PCM1: variants seen among roughly 807,000 people sequenced by gnomAD.
PCM1 encodes pericentriolar material 1, also known as pericentriolar material 1 protein.
A neutral mutation model predicts 241.9 loss-of-function variants in PCM1; 157 were observed. That is an observed-to-expected ratio of 0.65 (90% CI 0.57 to 0.74). The LOEUF (loss-of-function observed/expected upper bound fraction) is 0.74. PCM1 is among the 30% of genes least tolerant of loss of function. The pLI is 0.00. For synonymous variants in PCM1, 1,085 were observed against 784.9 expected (o/e 1.38, Z -6.39); for missense variants, 3,478 against 2,360.1 (o/e 1.47, Z -9.81).
chr8:17,999,337 T>G (rs1159813929), intron 29 of PCM1, among the ~76,000 whole-genome samples: 1 of 152,042 alleles, frequency 6.6e-6, no homozygotes, highest in Admixed American at 6.5e-5. Flanking sequence ...TTATTCAAGG[T>G]TCAAGGGCTC....
chr8:17,970,021 G>C (rs572549509), intron 22 of PCM1, among the ~76,000 whole-genome samples: 1 of 152,218 alleles, frequency 6.6e-6, no homozygotes, highest in African/African-American at 2.4e-5. Flanking sequence ...AAAGCAGTTT[G>C]CTGTTCAATG....
intron 33 of PCM1, 98 bp downstream of exon 33, chr8:18,011,464 T>A: frequency 8.4e-7 from 1 of 1,188,656 alleles, no homozygotes; most frequent in Non-Finnish European, 1.1e-6. Flanking sequence ...AAATTAAGTG[T>A]CAAAGAACTC....
rs1283125614 is a variant in PCM1, at chr8:17,985,632, T to A, written c.4281+13T>A. The A allele has an allele frequency of 7.6e-6, 12 of 1,588,174 alleles. No homozygotes were observed. In the East Asian group the frequency reaches 2.5e-4, roughly 33 times the overall value. ...ATATGCATTGCAGGTATCTGGTACC[T>A]AACATAATTTTTCCTACCCTATTAT... is the stretch of plus-strand genomic sequence containing the variant. On this transcript the variant is annotated intron_variant, in intron 25 of 38. Coordinates refer to ENST00000325083, the MANE Select transcript of PCM1 (RefSeq NM_006197.4).
intron 34 of PCM1, among the ~76,000 whole-genome samples, chr8:18,012,068 G>T (rs1426648821): frequency 1.3e-5 from 2 of 152,080 alleles, no homozygotes; most frequent in Non-Finnish European, 2.9e-5. Context: ...GTAGCTCATT[G>T]CTCATAGCCT....
At position 17,980,630 on chromosome 8, in the gene PCM1, G is replaced by T. The variant is rs2080390725; in HGVS notation, c.3983G>T (p.Cys1328Phe). The T allele has an allele frequency of 1.9e-6, 3 of 1,612,632 alleles. No individual in the cohort carries two copies. The highest frequency in any genetic ancestry group is 2.5e-6 in the Non-Finnish European group (3 of 1,179,382). Reference protein sequence around the residue: ...SASMSSTCEPCKSRNRHSAQT... With the variant: ...SASMSSTCEPFKSRNRHSAQT... Reference sequence around the variant, plus strand: ...AGTATGTCTAGCACATGTGAACCTTGCAAAAGTAGGAACAGACATTCAGCC... The same window carrying T: ...AGTATGTCTAGCACATGTGAACCTTTCAAAAGTAGGAACAGACATTCAGCC... Residue 1328 changes from cysteine to phenylalanine, a missense_variant, in exon 24 of 39, where the codon TGC (cysteine) becomes TTC (phenylalanine). Physicochemically the swap from Cys to Phe is radical, Grantham distance 205. Coordinates refer to ENST00000325083, the MANE Select transcript of PCM1 (RefSeq NM_006197.4).
chr8:18,013,896 T>A, intron 34 of PCM1, 68 bp from the exon 35 acceptor site: 1 of 884,720 alleles, frequency 1.1e-6, no homozygotes, highest in Non-Finnish European at 1.8e-6. Flanking sequence ...AACTACACAC[T>A]AGTAATCATC....
chr8:17,973,389 G>T lies in PCM1; in HGVS notation c.3943+702G>T, dbSNP rs138960824. Among the ~76,000 whole-genome samples, 596 of 152,212 alleles carry T rather than the reference G, an allele frequency of 3.9e-3. 5 individuals carry two copies. Among genetic ancestry groups the T allele is most frequent in the African/African-American group, 0.014 (579 of 41,530 alleles). On this transcript the variant is annotated intron_variant, in intron 23 of 38. Coordinates refer to ENST00000325083, the MANE Select transcript of PCM1 (RefSeq NM_006197.4). The stretch of plus-strand genomic sequence containing the variant: ...TTATGTTTGCAAAGGATGGGCTATG[G>T]CCTTGAAAGGTTGTTCTGAGTTTAA...
intron 6 of PCM1, among the ~76,000 whole-genome samples, chr8:17,945,223 G>C (rs2063376648): frequency 6.6e-6 from 1 of 151,988 alleles, no homozygotes; most frequent in Non-Finnish European, 1.5e-5. Flanking sequence ...AAACTGTCTG[G>C]AAATAAGCCA....
chr8:18,025,896 G>A (rs1034532530), intron 38 of PCM1, among the ~76,000 whole-genome samples: 79 of 151,966 alleles, frequency 5.2e-4, no homozygotes, highest in African/African-American at 1.8e-3. Context: ...TGGGCGCGGT[G>A]GCTCACGCCT....
At position 17,984,225 on chromosome 8, in the gene PCM1, G is replaced by C. The variant is rs1436336530; in HGVS notation, c.4109-1222G>C. Among the ~76,000 whole-genome samples the C allele has an allele frequency of 2.6e-5, 4 of 151,972 alleles. No individual in the cohort carries two copies. In the East Asian group the frequency reaches 7.7e-4, roughly 29 times the overall value. Reference sequence around the variant, plus strand: ...TTAAATATGTCATTAAACAGTTATAGCTTTGAAATGAATTTTTTAAATTAA... The same window carrying C: ...TTAAATATGTCATTAAACAGTTATACCTTTGAAATGAATTTTTTAAATTAA... On this transcript the variant is annotated intron_variant, in intron 24 of 38. Transcript: ENST00000325083.
chr8:17,968,728 A>ATG (rs1298559791), intron 21 of PCM1, among the ~76,000 whole-genome samples: 172 of 97,110 alleles, frequency 1.8e-3, no homozygotes, highest in South Asian at 7.6e-3. Context: ...ATGGATGTAT[A>ATG]TATGTGTGTG....
In PCM1 at chr8:17,939,718, G is replaced by T. The variant is rs979634550; in HGVS notation, c.640G>T (p.Asp214Tyr). ...TGTAAGCAGGCTTGTTCAAATTCGC[G>T]ATTATATTACTAAAGCTAGTTCCAT... ...QIVSRLVQIRDYITKASSMRE... is the reference protein window; with the variant it reads ...QIVSRLVQIRYYITKASSMRE... The change falls in exon 6 of 39, where the codon GAT becomes TAT. Residue 214 changes from aspartate (D) to tyrosine (Y), a missense_variant. Coordinates refer to ENST00000325083, the MANE Select transcript of PCM1 (RefSeq NM_006197.4). 6.5e-6 allele frequency: 10 copies of T among 1,541,460 alleles called. No homozygotes were observed. The highest frequency in any genetic ancestry group is 2.4e-5 in the East Asian group (1 of 42,252).
intron 36 of PCM1, among the ~76,000 whole-genome samples, chr8:18,015,973 C>CT (rs1323899227): frequency 1.3e-5 from 2 of 152,224 alleles, no homozygotes; most frequent in Non-Finnish European, 2.9e-5. Context: ...ACTGCAACCT[C>CT]TGCCTCCTGG....
At chr8:17,938,199 C>G (rs1451983347) in intron 4 of PCM1, among the ~76,000 whole-genome samples, 2 of 152,060 alleles carry the variant, frequency 1.3e-5, no homozygotes, top group Non-Finnish European at 2.9e-5. Context: ...TTTTAAGTGC[C>G]AACATGAGTG....
intron 26 of PCM1, 92 bp from the exon 27 acceptor site, chr8:17,989,767 A>G: frequency 1.1e-6 from 1 of 920,946 alleles, no homozygotes; most frequent in Non-Finnish European, 1.6e-6. Context: ...TAAGTGTACA[A>G]TTTTATGTAA....
At position 17,980,737 on chromosome 8, in the gene PCM1, T is replaced by A. The variant is rs367605201; in HGVS notation, c.4090T>A (p.Ser1364Thr). Reference sequence around the variant, plus strand: ...GGAAAAAATAATAAAATGTAATAGGTCTACAGAAATATCTTCAGGTATGTT... The same window carrying A: ...GGAAAAAATAATAAAATGTAATAGGACTACAGAAATATCTTCAGGTATGTT... ...QLEKIIKCNR[S>T]TEISSETGSD... The change falls in exon 24 of 39, where the codon TCT becomes ACT. Residue 1364 changes from serine to threonine, a missense_variant. Transcript: ENST00000325083. 17 of 1,608,760 alleles carry A rather than the reference T, an allele frequency of 1.1e-5. No individual in the cohort carries two copies. Among genetic ancestry groups the A allele is most frequent in the East Asian group, 8.9e-5 (4 of 44,828 alleles).
At chr8:18,014,971 A>G in intron 36 of PCM1, 131 bp downstream of exon 36, 1 of 759,902 alleles carries the variant, frequency 1.3e-6, no homozygotes. Context: ...ACATTTTTCT[A>G]ATTCACACTT....
intron 29 of PCM1, among the ~76,000 whole-genome samples, chr8:17,996,024 A>G (rs1490751478): frequency 1.3e-5 from 2 of 151,946 alleles, no homozygotes; most frequent in Non-Finnish European, 1.5e-5. Flanking sequence ...GATCCCCTCT[A>G]TTTCTTTCTC....
chr8:18,008,948 A>G (rs201366878), intron 30 of PCM1, among the ~76,000 whole-genome samples: 1 of 152,124 alleles, frequency 6.6e-6, no homozygotes, highest in South Asian at 2.1e-4. Flanking sequence ...TTGAAATCCT[A>G]TTTTCTTTTA....
Sources: gnomAD v4.1 joint callset for allele counts (sites outside exome capture counted in the v4.1 genomes callset) on GRCh38, gnomAD v4.1.1 for gene constraint, MANE v1.5 for transcripts, NCBI Gene and HGNC (gene_info 2026-07-23, HGNC 2026-07-21) for gene names.